The following B4GALNT4 variants were observed in gnomAD, a reference collection of about 807,000 sequenced individuals.
B4GALNT4 encodes N-acetyl-beta-glucosaminyl-glycoprotein 4-beta-N-acetylgalactosaminyltransferase 1.
In B4GALNT4, 77 loss-of-function variants were observed where a neutral mutation model predicts 110.0. That is an observed-to-expected ratio of 0.70 (90% CI 0.58 to 0.85). The LOEUF is 0.85. Among genes scored for constraint, B4GALNT4 ranks in the 40% least tolerant of loss-of-function variants. The probability of loss-of-function intolerance (pLI) is 0.00; values close to 1 mark genes in which losing one functional copy is unlikely to be tolerated. For synonymous variants in B4GALNT4, 785 were observed against 655.5 expected (o/e 1.20, Z -3.02); for missense variants, 1,575 against 1,506.0 (o/e 1.05, Z -0.76).
intron 6 of B4GALNT4, 38 bp from the exon 7 acceptor site, chr11:373,411 C>CG (rs755361893): frequency 9.7e-7 from 1 of 1,033,986 alleles, no homozygotes; most frequent in Non-Finnish European, 1.4e-6. Context: ...AGAGTGAACC[C>CG]CCCCCCCCAC....
chr11:373,825 G>A lies in B4GALNT4; in HGVS notation c.780G>A (p.Val260=), dbSNP rs1357844203. ...QDDRGSDHVE[V]GWRAFLPGLK... ...ACCGCGGCTCGGACCACGTGGAAGT[G>A]GGCGTGAGTGCCTTCCTCCCCTGGG... Residue 260 remains valine (V), a synonymous_variant, in exon 8 of 20, where the codon GTG becomes GTA. Transcript: ENST00000329962. 1.9e-6 allele frequency: 3 copies of A among 1,611,580 alleles called. No individual in the cohort carries two copies. Among genetic ancestry groups the A allele is most frequent in the Middle Eastern group, 1.6e-4 (1 of 6,082 alleles).
At chr11:374,353 G>A (rs375652397) in intron 8 of B4GALNT4, among the ~76,000 whole-genome samples, 2 of 151,774 alleles carry the variant, frequency 1.3e-5, no homozygotes, top group African/African-American at 2.4e-5. Flanking sequence ...GGGGATGGAC[G>A]GGGGAAGGCG....
At position 376,625 on chromosome 11, in the gene B4GALNT4, C is replaced by T; in HGVS notation, c.1502C>T (p.Ala501Val). ...SRALSWAARA[A>V]RPLPLFLGRA... Reference sequence around the variant, plus strand: ...GCCCTGAGCTGGGCCGCCAGGGCCGCCCGCCCTTTGCCGCTCTTCTTGGGC... The same window carrying T: ...GCCCTGAGCTGGGCCGCCAGGGCCGTCCGCCCTTTGCCGCTCTTCTTGGGC... Residue 501 changes from alanine (A) to valine (V), a missense_variant, in exon 14 of 20, where the codon GCC becomes GTC. By Grantham distance (64) the Ala-to-Val change is moderately conservative (BLOSUM62 0). Coordinates refer to ENST00000329962, the MANE Select transcript of B4GALNT4 (RefSeq NM_178537.5). 1 of 1,412,784 alleles carries T rather than the reference C, an allele frequency of 7.1e-7. No individual in the cohort carries two copies. Among genetic ancestry groups the T allele is most frequent in the Non-Finnish European group, 9.2e-7 (1 of 1,084,972 alleles). The allele number at this position is 1,412,784 out of a possible 1,614,324, so 87.5% of individuals were successfully genotyped here. A position where few individuals can be genotyped will look rare whatever the true frequency, so the allele number is the denominator to read the frequency against.
rs1258450210 is a variant in B4GALNT4 at position 376,701 on chromosome 11, C to T, written c.1578C>T (p.Tyr526=). ...TGGAGCAGCCGCCCCCAAAGGTGTA[C>T]GTGACCAGGGTGCGGCCGGGACAGC... ...PAVEQPPPKV[Y]VTRVRPGQRA... Residue 526 remains tyrosine (Y), a synonymous_variant, in exon 14 of 20, where the codon TAC becomes TAT. Coordinates refer to ENST00000329962, the MANE Select transcript of B4GALNT4 (RefSeq NM_178537.5). The T allele has an allele frequency of 4.9e-6, 7 of 1,419,664 alleles. No individual in the cohort carries two copies. The highest frequency in any genetic ancestry group is 2.8e-5 in the South Asian group (2 of 72,332). The allele number at this position is 1,419,664 out of a possible 1,614,324, so 87.9% of individuals were successfully genotyped here. A position where few individuals can be genotyped will look rare whatever the true frequency, so the allele number is the denominator to read the frequency against.
chr11:381,372 C>T (rs1358638076), intron 19 of B4GALNT4, among the ~76,000 whole-genome samples: 3 of 100,010 alleles, frequency 3.0e-5, no homozygotes, highest in Admixed American at 9.9e-5. Context: ...TCTCCGCCCC[C>T]GGCCCCGGGT....
chr11:377,461 C>T (rs1050447216), intron 14 of B4GALNT4, 134 bp downstream of exon 14: 1 of 956,684 alleles, frequency 1.0e-6, no homozygotes, highest in South Asian at 2.3e-5. Context: ...GGCTGAGGCA[C>T]CGCGCCCCAC....
chr11:373,637 G>A, intron 7 of B4GALNT4, 113 bp from the exon 8 acceptor site: 1 of 1,517,746 alleles, frequency 6.6e-7, no homozygotes, highest in Non-Finnish European at 9.1e-7. Context: ...CGGCCAAGCT[G>A]CCATCCTCCT....
chr11:376,409 C>G lies in B4GALNT4; in HGVS notation c.1298-12C>G, dbSNP rs1403000822. On this transcript the variant is annotated splice_polypyrimidine_tract_variant and intron_variant, in intron 13 of 19. Transcript: ENST00000329962. ...ACCTGCGCAGGGAGCTTCTAACCCG[C>G]GTTTCCCGCAGACTTCCTGGACGAC... The G allele has an allele frequency of 1.9e-6, 3 of 1,601,066 alleles. No individual in the cohort carries two copies. The highest frequency in any genetic ancestry group is 1.7e-6 in the Non-Finnish European group (2 of 1,178,054).
Position 379,948 on chromosome 11 carries a change from C to T in B4GALNT4, c.2571C>T (p.Ser857=), listed in dbSNP as rs142922840. 2.6e-3 allele frequency: 4,227 copies of T among 1,612,298 alleles called. 21 individuals carry two copies. Among genetic ancestry groups the T allele is most frequent in the Middle Eastern group, 6.9e-3 (42 of 6,060 alleles). The change falls in exon 16 of 20, where the codon AGC becomes AGT. Residue 857 remains serine (S), a synonymous_variant. Coordinates refer to ENST00000329962, the MANE Select transcript of B4GALNT4 (RefSeq NM_178537.5). ...CGCGCACCGGGGACTCGCGTTTCAG[C>T]GTCGTCCTGGTGGATTTCGAGAGCG... ...LHARTGDSRF[S]VVLVDFESED...
chr11:370,176 C>A (rs564323989), intron 1 of B4GALNT4, among the ~76,000 whole-genome samples: 5 of 151,776 alleles, frequency 3.3e-5, no homozygotes, highest in Admixed American at 6.6e-5. Flanking sequence ...CGGTTCGGCT[C>A]GGCCCGGACG....
In B4GALNT4 at chr11:381,816, C is replaced by T. The variant is rs147017290; in HGVS notation, c.*24C>T. On this transcript the variant is annotated 3_prime_UTR_variant, in exon 20 of 20. Coordinates refer to ENST00000329962, the MANE Select transcript of B4GALNT4 (RefSeq NM_178537.5). The stretch of plus-strand genomic sequence containing the variant: ...GAGGACGGGCAGCCCCTCCCAGCCC[C>T]GGTGGGAGTCCCGAGGCAGCTGCTG... The T allele has an allele frequency of 1.9e-3, 2,907 of 1,553,904 alleles. 36 individuals are homozygous for T. In the African/African-American group the frequency reaches 0.029, roughly 16 times the overall value.
intron 19 of B4GALNT4, 48 bp downstream of exon 19, chr11:380,999 C>A (rs760519199): frequency 8.8e-6 from 14 of 1,583,078 alleles, no homozygotes; most frequent in Non-Finnish European, 1.2e-5. Flanking sequence ...CCCCTGCGTC[C>A]TCCTCCTCTG....
At position 369,972 on chromosome 11, in the gene B4GALNT4, CG is replaced by C. The variant is rs1043599799; in HGVS notation, c.151+24del. ...CGGGCGAGGTACGGCGCGGGGGGCG[CG>C]GGGGGCGCGGGGGGCGGGGGCGGCG... On this transcript the variant is annotated intron_variant, in intron 1 of 19. Coordinates refer to ENST00000329962, the MANE Select transcript of B4GALNT4 (RefSeq NM_178537.5). The C allele has an allele frequency of 1.3e-4, 19 of 140,950 alleles. No individual in the cohort carries two copies. Among genetic ancestry groups the C allele is most frequent in the East Asian group, 5.4e-4 (1 of 1,836 alleles). The allele number at this position is 140,950 out of a possible 1,614,324, so 8.7% of individuals were successfully genotyped here.
Position 380,965 on chromosome 11 carries a change from C to G in B4GALNT4, c.2996+14C>G. On this transcript the variant is annotated intron_variant, in intron 19 of 19. Transcript: ENST00000329962. The stretch of plus-strand genomic sequence containing the variant: ...GCTCCTGGACAGGTGACCACCTCCC[C>G]ACTCCCCAGAGGTGACACCCTGACC... The G allele has an allele frequency of 6.2e-7, 1 of 1,608,994 alleles. No individual in the cohort carries two copies. Among genetic ancestry groups the G allele is most frequent in the Non-Finnish European group, 8.5e-7 (1 of 1,177,652 alleles).
Position 380,340 on chromosome 11 carries a change from C to A in B4GALNT4, c.2764C>A (p.Pro922Thr). 1 of 1,613,392 alleles carries A rather than the reference C, an allele frequency of 6.2e-7. No individual in the cohort carries two copies. The highest frequency in any genetic ancestry group is 8.5e-7 in the Non-Finnish European group (1 of 1,179,758). Reference protein sequence around the residue: ...FLCDLHIHFPPNILDGIRKHC... With the variant: ...FLCDLHIHFPTNILDGIRKHC... ...CTGCGACCTGCACATCCACTTCCCA[C>A]CCAACATCCTGGACGGCATCCGCAA... The change falls in exon 18 of 20, where the codon CCC becomes ACC. Residue 922 changes from proline to threonine, a missense_variant. By Grantham distance (38) the Pro-to-Thr change is conservative. Coordinates refer to ENST00000329962, the MANE Select transcript of B4GALNT4 (RefSeq NM_178537.5).
At chr11:370,006 CGCG>C (rs1464207596) in intron 1 of B4GALNT4, 52 bp downstream of exon 1, 1 of 54,162 alleles carries the variant, frequency 1.8e-5, no homozygotes, top group African/African-American at 7.8e-5. Flanking sequence ...GCGCGGGGGG[CGCG>C]GGGGGCGCGG....
Position 376,612 on chromosome 11 carries a change from G to A in B4GALNT4, c.1489G>A (p.Ala497Thr). 1 of 1,396,370 alleles carries A rather than the reference G, an allele frequency of 7.2e-7. No homozygotes were observed. Among genetic ancestry groups the A allele is most frequent in the Non-Finnish European group, 9.3e-7 (1 of 1,077,256 alleles). 86.5% of individuals were successfully genotyped at this position (1,396,370 alleles called of 1,614,324 possible). A position where few individuals can be genotyped will look rare whatever the true frequency, so the allele number is the denominator to read the frequency against. ...TPRHSRALSW[A>T]ARAARPLPLF... ...CAGGCACTCCCGGGCCCTGAGCTGG[G>A]CCGCCAGGGCCGCCCGCCCTTTGCC... is the stretch of plus-strand genomic sequence containing the variant. Residue 497 changes from alanine to threonine, a missense_variant, in exon 14 of 20, where the codon GCC becomes ACC. Coordinates refer to ENST00000329962, the MANE Select transcript of B4GALNT4 (RefSeq NM_178537.5).
intron 4 of B4GALNT4, 31 bp from the exon 5 acceptor site, chr11:372,995 G>A: frequency 6.2e-7 from 1 of 1,612,354 alleles, no homozygotes; most frequent in Non-Finnish European, 8.5e-7. Flanking sequence ...CACGCAGGGG[G>A]CTTCGACAGC....
chr11:370,021 C>CGCGGGGGGCAGGGGCGGCGTGGGG (rs1564866504), intron 1 of B4GALNT4, 67 bp downstream of exon 1: 1 of 39,754 alleles, frequency 2.5e-5, no homozygotes, highest in Non-Finnish European at 4.9e-5. Context: ...GGGGCGCGGG[C>CGCGGGGGGCAGGGGCGGCGTGGGG]GGCGCGGGGG....
Sources: allele counts gnomAD v4.1 joint callset (sites outside exome capture counted in the v4.1 genomes callset), GRCh38; gene constraint gnomAD v4.1.1; transcripts MANE v1.5; gene names NCBI Gene and HGNC (gene_info 2026-07-23, HGNC 2026-07-21).